CAPN2: variants seen among roughly 807,000 people sequenced by gnomAD.
The protein encoded by CAPN2 is calpain-2 catalytic subunit.
Under a neutral mutation model 102.3 loss-of-function variants are expected in CAPN2, and 92 were observed. The observed-to-expected ratio is 0.90, with a 90% CI of 0.76 to 1.07. The LOEUF (loss-of-function observed/expected upper bound fraction) is 1.07, where lower values mean the gene tolerates loss of function less well. CAPN2 is among the 50% of genes least tolerant of loss of function. CAPN2 has a pLI of 0.00. For synonymous variants in CAPN2, 340 were observed against 355.4 expected, an observed-to-expected ratio of 0.96 and a Z score of 0.49; for missense variants, 800 against 909.4, an observed-to-expected ratio of 0.88 and a Z score of 1.55.
intron 17 of CAPN2, 67 bp from the exon 18 acceptor site, chr1:223,770,380 T>C (rs1332207805): frequency 1.9e-6 from 2 of 1,061,078 alleles, no homozygotes; most frequent in Admixed American, 1.7e-5. Flanking sequence ...ACTCAGCACA[T>C]ACTAGGGAGG....
chr1:223,701,960 T>C (rs1208962466), intron 1 of CAPN2: 1 of 130,472 alleles, frequency 7.7e-6, no homozygotes, highest in Non-Finnish European at 1.6e-5. Flanking sequence ...TGAGCTGAGA[T>C]CGTGTCACTG....
intron 18 of CAPN2, chr1:223,770,771 A>T (rs1258859109): frequency 8.9e-6 from 3 of 338,642 alleles, no homozygotes; most frequent in Non-Finnish European, 1.6e-5. Context: ...TGGCACAGTA[A>T]GCAGGCAAAG....
chr1:223,717,836 G>A lies in CAPN2; in HGVS notation c.307+5G>A. 6.2e-6 allele frequency: 10 copies of A among 1,610,922 alleles called. No individual in the cohort carries two copies. The highest frequency in any genetic ancestry group is 1.1e-5 in the South Asian group (1 of 91,016). ...ACATCTGCCAAGGAGCCCTGGGTAA[G>A]TGATAGATTCAGAGCAAGCTGGGGG... On this transcript the variant is annotated splice_donor_5th_base_variant and intron_variant, in intron 2 of 20. Coordinates refer to ENST00000295006, the MANE Select transcript of CAPN2 (RefSeq NM_001748.5).
At chr1:223,739,836 A>AG (rs1479984628) in intron 2 of CAPN2, among the ~76,000 whole-genome samples, 1 of 152,188 alleles carries the variant, frequency 6.6e-6, no homozygotes, top group African/African-American at 2.4e-5. Flanking sequence ...GGAGCTAAAA[A>AG]CAGTTTAAGC....
intron 2 of CAPN2, among the ~76,000 whole-genome samples, chr1:223,742,207 A>G (rs1433494204): frequency 1.3e-5 from 2 of 152,094 alleles, no homozygotes; most frequent in Non-Finnish European, 2.9e-5. Context: ...CCTGGCCAAC[A>G]TGGGGAAACC....
chr1:223,753,042 C>G, intron 9 of CAPN2, 86 bp downstream of exon 9: 1 of 1,291,912 alleles, frequency 7.7e-7, no homozygotes. Context: ...GTACCACACC[C>G]CAGCCTAGCA....
chr1:223,738,185 T>C (rs1660514987), intron 2 of CAPN2, among the ~76,000 whole-genome samples: 1 of 151,912 alleles, frequency 6.6e-6, no homozygotes, highest in African/African-American at 2.4e-5. Context: ...TGAGACGGGG[T>C]CTTGTTCTGT....
rs893363152 is a variant in CAPN2 at position 223,755,860 on chromosome 1, C to T, written c.1305+211C>T. On this transcript the variant is annotated intron_variant, in intron 10 of 20. Coordinates refer to ENST00000295006, the MANE Select transcript of CAPN2 (RefSeq NM_001748.5). The surrounding 1 kb of genome is among the most constrained non-coding windows in gnomAD (Gnocchi z 4.1). Reference sequence around the variant, plus strand: ...TCTGGGTTGTGGGGCCTTCTAAGCCCTTCACGGGCCCCCCACAGCCAGCCT... The same window carrying T: ...TCTGGGTTGTGGGGCCTTCTAAGCCTTTCACGGGCCCCCCACAGCCAGCCT... Among the ~76,000 whole-genome samples the T allele has an allele frequency of 6.6e-6, 1 of 152,214 alleles. No homozygotes were observed. Among genetic ancestry groups the T allele is most frequent in the Admixed American group, 6.5e-5 (1 of 15,286 alleles).
At chr1:223,744,318 C>A in intron 3 of CAPN2, 100 bp downstream of exon 3, 1 of 779,706 alleles carries the variant, frequency 1.3e-6, no homozygotes, top group South Asian at 1.4e-5. Flanking sequence ...TGTTTGCAGA[C>A]TCCCAAGACC....
At chr1:223,771,677 C>A in intron 18 of CAPN2, 132 bp from the exon 19 acceptor site, 1 of 698,262 alleles carries the variant, frequency 1.4e-6, no homozygotes, top group Non-Finnish European at 2.6e-6. Flanking sequence ...ACCAGTCTCA[C>A]AGAAGAGCAG....
chr1:223,756,292 C>A lies in CAPN2; in HGVS notation c.1305+643C>A, dbSNP rs971357785. Among the ~76,000 whole-genome samples the A allele has an allele frequency of 6.6e-6, 1 of 152,222 alleles. No homozygotes were observed. The highest frequency in any genetic ancestry group is 1.9e-4 in the East Asian group (1 of 5,202). On this transcript the variant is annotated intron_variant, in intron 10 of 20. Transcript: ENST00000295006. The surrounding 1 kb of genome is among the most constrained non-coding windows in gnomAD (Gnocchi z 4.1). ...ACGCTGGGCCCCTGGGCTCTCCCCA[C>A]TCCCTTCTGCAAAACAAGAAAGAGC...
At chr1:223,702,385 C>T (rs1275732634) in intron 1 of CAPN2, among the ~76,000 whole-genome samples, 2 of 151,508 alleles carry the variant, frequency 1.3e-5, no homozygotes, top group African/African-American at 4.9e-5. Flanking sequence ...TGAGATCGCA[C>T]CACTGCACTC....
At chr1:223,719,743 G>C (rs1659997265) in intron 2 of CAPN2, among the ~76,000 whole-genome samples, 1 of 152,124 alleles carries the variant, frequency 6.6e-6, no homozygotes, top group African/African-American at 2.4e-5. Context: ...TATAAACCAG[G>C]TGAAATGTAA....
intron 18 of CAPN2, chr1:223,770,939 T>C (rs1661456103): frequency 6.3e-6 from 1 of 158,740 alleles, no homozygotes. Context: ...AGCAGGAGAC[T>C]GCTGGGCTTT....
At chr1:223,729,330 G>A (rs987521460) in intron 2 of CAPN2, among the ~76,000 whole-genome samples, 4 of 152,146 alleles carry the variant, frequency 2.6e-5, no homozygotes, top group Non-Finnish European at 4.4e-5. Context: ...AGATAATTTT[G>A]CCCAACTGTA....
intron 6 of CAPN2, among the ~76,000 whole-genome samples, chr1:223,749,797 T>G (rs755830429): frequency 7.5e-4 from 114 of 152,246 alleles, no homozygotes; most frequent in Non-Finnish European, 1.3e-3. Context: ...GGAGGATCAC[T>G]CGAGCCTAGG....
chr1:223,736,695 C>G (rs1188551205), intron 2 of CAPN2, among the ~76,000 whole-genome samples: 2 of 152,170 alleles, frequency 1.3e-5, no homozygotes, highest in Admixed American at 1.3e-4. Flanking sequence ...GTTCCCTTCC[C>G]CCTGGGTATT....
At chr1:223,768,728 T>A (rs1332752221) in intron 16 of CAPN2, among the ~76,000 whole-genome samples, 3 of 151,238 alleles carry the variant, frequency 2.0e-5, no homozygotes, top group Non-Finnish European at 2.9e-5. Flanking sequence ...GTGAAGAAAG[T>A]CATTGGTAGC....
chr1:223,752,772 G>A (rs1263685286), intron 8 of CAPN2, 24 bp from the exon 9 acceptor site: 4 of 1,613,294 alleles, frequency 2.5e-6, no homozygotes, highest in Non-Finnish European at 8.5e-7. Context: ...TATCACCTGT[G>A]ATGATTGTCT....
Sources: gnomAD v4.1 joint callset for allele counts (sites outside exome capture counted in the v4.1 genomes callset) on GRCh38, gnomAD v4.1.1 for gene constraint, Gnocchi (gnomAD v3.1) non-coding constraint, MANE v1.5 for transcripts, NCBI Gene and HGNC (gene_info 2026-07-23, HGNC 2026-07-21) for gene names.